The following ATRNL1 variants were observed in gnomAD, a reference collection of about 807,000 sequenced individuals.
The protein encoded by ATRNL1 is attractin like 1.
Under a neutral mutation model 182.7 loss-of-function variants are expected in ATRNL1, and 95 were observed. The observed-to-expected ratio is 0.52, with a 90% CI of 0.44 to 0.62. The LOEUF is 0.62. Ranked by LOEUF, ATRNL1 falls within the 20% of genes least tolerant of loss-of-function variation. ATRNL1 has a pLI of 0.00. For missense variants in ATRNL1, 1,471 were observed against 1,679.5 expected (o/e 0.88, Z 2.17); for synonymous variants, 576 against 568.3 (o/e 1.01, Z -0.19).
At chr10:115,426,109 GAT>G in intron 20 of ATRNL1, 139 bp from the exon 21 acceptor site, 1 of 555,324 alleles carries the variant, frequency 1.8e-6, no homozygotes, top group South Asian at 3.3e-5. Flanking sequence ...ATCTTTCAAA[GAT>G]GTGTTTTTGA....
chr10:115,437,268 G>A (rs1349111228), intron 21 of ATRNL1, among the ~76,000 whole-genome samples: 1 of 151,992 alleles, frequency 6.6e-6, no homozygotes, highest in Non-Finnish European at 1.5e-5. Context: ...TCCAAACAAT[G>A]CTATGCTTTA....
At chr10:115,635,663 G>A (rs1405197920) in intron 26 of ATRNL1, among the ~76,000 whole-genome samples, 3 of 152,090 alleles carry the variant, frequency 2.0e-5, no homozygotes, top group African/African-American at 7.2e-5. Context: ...ACATAAGTTT[G>A]CCAAAACCAC....
chr10:115,808,792 G>C (rs973860229), intron 27 of ATRNL1, among the ~76,000 whole-genome samples: 1 of 151,982 alleles, frequency 6.6e-6, no homozygotes. Flanking sequence ...CTTTTCATTT[G>C]CTTATTGACC....
At chr10:115,785,084 G>GTA (rs1379857057) in intron 27 of ATRNL1, among the ~76,000 whole-genome samples, 1 of 152,152 alleles carries the variant, frequency 6.6e-6, no homozygotes, top group East Asian at 1.9e-4. Flanking sequence ...TCTAAACCAG[G>GTA]TATAGGTAAG....
At chr10:115,261,872 C>T (rs1851406652) in intron 10 of ATRNL1, among the ~76,000 whole-genome samples, 1 of 151,754 alleles carries the variant, frequency 6.6e-6, no homozygotes, top group Admixed American at 6.6e-5. Flanking sequence ...ATAGCAATTC[C>T]CCATCTCTAA....
At chr10:115,117,578 A>C (rs1346504519) in intron 1 of ATRNL1, among the ~76,000 whole-genome samples, 1 of 152,124 alleles carries the variant, frequency 6.6e-6, no homozygotes, top group Non-Finnish European at 1.5e-5. Context: ...GTGTTTATGT[A>C]CCACATTTCT....
intron 19 of ATRNL1, among the ~76,000 whole-genome samples, chr10:115,388,871 T>C (rs1843816518): frequency 6.6e-6 from 1 of 152,140 alleles, no homozygotes; most frequent in Non-Finnish European, 1.5e-5. Context: ...GGGTAAAATG[T>C]GGCATTTACA....
intron 25 of ATRNL1, among the ~76,000 whole-genome samples, chr10:115,525,609 A>T (rs1291147306): frequency 1.3e-5 from 2 of 152,130 alleles, no homozygotes; most frequent in Non-Finnish European, 2.9e-5. Context: ...AATATAAACC[A>T]TTCCAGCATA....
At chr10:115,813,820 G>T (rs1484708353) in intron 27 of ATRNL1, among the ~76,000 whole-genome samples, 1 of 152,064 alleles carries the variant, frequency 6.6e-6, no homozygotes, top group Non-Finnish European at 1.5e-5. Flanking sequence ...TTATAGAAAA[G>T]CTAACTATAG....
intron 26 of ATRNL1, among the ~76,000 whole-genome samples, chr10:115,696,898 AGC>A (rs201143881): frequency 0.046 from 6,830 of 147,312 alleles, 212 homozygotes; most frequent in African/African-American, 0.098. Flanking sequence ...AGAGAGAGAG[AGC>A]GAGCGAGCTA....
At chr10:115,340,355 A>G (rs1198305733) in intron 19 of ATRNL1, among the ~76,000 whole-genome samples, 1 of 151,512 alleles carries the variant, frequency 6.6e-6, no homozygotes, top group Admixed American at 6.6e-5. Flanking sequence ...GTTAGCCAGG[A>G]TGGTCTAGAT....
At position 115,215,873 on chromosome 10, in the gene ATRNL1, A is replaced by G. The variant is rs782471497; in HGVS notation, c.1525A>G (p.Lys509Glu). The G allele has an allele frequency of 1.9e-6, 3 of 1,560,548 alleles. No individual in the cohort carries two copies. The highest frequency in any genetic ancestry group is 2.6e-6 in the Non-Finnish European group (3 of 1,158,260). Residue 509 changes from lysine (K) to glutamate (E), a missense_variant, in exon 9 of 29, where the codon AAG (lysine) becomes GAG (glutamate). Lys to Glu is a moderately conservative substitution (Grantham distance 56). Transcript: ENST00000355044. ...TCTTTATAAATATGAAGTTAACACT[A>G]AGACTTGGTGAGTACACAAAATAAC... is the stretch of plus-strand genomic sequence containing the variant. ...DDLYKYEVNT[K>E]TWTILKESGF...
At chr10:115,881,386 G>A (rs565688078) in intron 28 of ATRNL1, among the ~76,000 whole-genome samples, 11 of 152,272 alleles carry the variant, frequency 7.2e-5, no homozygotes, top group South Asian at 2.1e-4. Context: ...AGTTTGCAGC[G>A]CCCCTATGGA....
chr10:115,260,664 A>G (rs551776444), intron 10 of ATRNL1, among the ~76,000 whole-genome samples: 3 of 152,310 alleles, frequency 2.0e-5, no homozygotes, highest in South Asian at 4.1e-4. Context: ...TATAAGTTAA[A>G]TCTTTATGGA....
Position 115,217,663 on chromosome 10 carries a change from T to G in ATRNL1, c.1532+1783T>G, listed in dbSNP as rs550545542. Among the ~76,000 whole-genome samples, 268 of 152,316 alleles carry G rather than the reference T, an allele frequency of 1.8e-3. 2 individuals carry two copies. Among genetic ancestry groups the G allele is most frequent in the Non-Finnish European group, 2.7e-3 (187 of 68,008 alleles). On this transcript the variant is annotated intron_variant, in intron 9 of 28. Transcript: ENST00000355044. ...TTACATAGTGAAAGTTTTGCCTAGA[T>G]GAATATTATTGTCAGCCCTGGCAAT...
chr10:115,137,384 A>C (rs1419778234), intron 5 of ATRNL1, among the ~76,000 whole-genome samples: 1 of 152,208 alleles, frequency 6.6e-6, no homozygotes, highest in Non-Finnish European at 1.5e-5. Context: ...CTACATACCA[A>C]ATTTCTCATG....
At chr10:115,476,091 A>G (rs1554973055) in intron 24 of ATRNL1, among the ~76,000 whole-genome samples, 3 of 151,220 alleles carry the variant, frequency 2.0e-5, no homozygotes, top group African/African-American at 7.3e-5. Context: ...CTTTGACCAC[A>G]TTTTACACAT....
chr10:115,179,098 C>T (rs1847647978), intron 8 of ATRNL1, among the ~76,000 whole-genome samples: 1 of 152,024 alleles, frequency 6.6e-6, no homozygotes, highest in Non-Finnish European at 1.5e-5. Context: ...GAATCTGTTT[C>T]TTGACTTTGT....
intron 28 of ATRNL1, among the ~76,000 whole-genome samples, chr10:115,884,405 C>T (rs1171666265): frequency 1.3e-5 from 2 of 152,170 alleles, no homozygotes; most frequent in African/African-American, 2.4e-5. Context: ...ACATTGCTCC[C>T]ATAGTGGATC....
Sources: allele counts gnomAD v4.1 joint callset (sites outside exome capture counted in the v4.1 genomes callset), GRCh38; gene constraint gnomAD v4.1.1; transcripts MANE v1.5; gene names NCBI Gene and HGNC (gene_info 2026-07-23, HGNC 2026-07-21).